The following YAE1 variants were observed in gnomAD, a reference collection of about 807,000 sequenced individuals.
YAE1 encodes the protein protein YAE1 homolog.
YAE1 carries 22 observed loss-of-function variants against 23.0 expected under a neutral mutation model. The observed-to-expected ratio is 0.96, with a 90% CI of 0.68 to 1.37. The LOEUF (loss-of-function observed/expected upper bound fraction) is 1.37, where lower values mean the gene tolerates loss of function less well. YAE1 is among the 40% of genes most tolerant of loss of function. YAE1 has a pLI of 0.00. For synonymous variants in YAE1, 101 were observed against 97.0 expected, an observed-to-expected ratio of 1.04 and a Z score of -0.24; for missense variants, 260 against 262.1, an observed-to-expected ratio of 0.99 and a Z score of 0.06.
chr7:39,607,738 G>A (rs1460838366), intron 2 of YAE1, among the ~76,000 whole-genome samples: 2 of 152,174 alleles, frequency 1.3e-5, no homozygotes, highest in Non-Finnish European at 1.5e-5. Flanking sequence ...GCACAATCTT[G>A]GCTCACTGCC....
chr7:39,597,302 G>A (rs1442666471), intron 2 of YAE1, among the ~76,000 whole-genome samples: 1 of 152,186 alleles, frequency 6.6e-6, no homozygotes, highest in Non-Finnish European at 1.5e-5. Flanking sequence ...AGGCACAGTG[G>A]CTCACACCTG....
At chr7:39,593,235 A>C (rs1405459346) in intron 2 of YAE1, among the ~76,000 whole-genome samples, 2 of 113,686 alleles carry the variant, frequency 1.8e-5, no homozygotes, top group African/African-American at 7.0e-5. Context: ...CCCAGGCTGC[A>C]GTGCAGTGGC....
intron 2 of YAE1, among the ~76,000 whole-genome samples, chr7:39,571,181 A>G (rs1237190424): frequency 6.6e-6 from 1 of 152,202 alleles, no homozygotes; most frequent in African/African-American, 2.4e-5. Context: ...CATGTGGCCC[A>G]GGACGGCTTT....
chr7:39,588,821 G>GTTTTTTTTTTTTTTTTTTTTTT, intron 2 of YAE1, among the ~76,000 whole-genome samples: 1 of 149,610 alleles, frequency 6.7e-6, no homozygotes, highest in Non-Finnish European at 1.5e-5. Context: ...ATAATTTTAG[G>GTTTTTTTTTTTTTTTTTTTTTT]TTTTTTTTTT....
intron 2 of YAE1, among the ~76,000 whole-genome samples, chr7:39,598,805 A>G (rs1161335147): frequency 6.6e-6 from 1 of 151,784 alleles, no homozygotes; most frequent in Non-Finnish European, 1.5e-5. Context: ...AAAAAGAAGA[A>G]GAAGAAGAAG....
chr7:39,610,158 T>C (rs182360298), exon 3 of YAE1: 29 of 794,030 alleles, frequency 3.7e-5, no homozygotes, highest in Non-Finnish European at 5.1e-5. Context: ...AGAGAAGATT[T>C]GGGAGGAGTA....
chr7:39,606,078 C>T (rs185289705), intron 2 of YAE1, among the ~76,000 whole-genome samples: 2 of 151,542 alleles, frequency 1.3e-5, no homozygotes, highest in African/African-American at 2.4e-5. Flanking sequence ...CTCCAGAAAA[C>T]CACTTCAAAA....
chr7:39,605,226 C>T (rs1791111838), intron 2 of YAE1, among the ~76,000 whole-genome samples: 1 of 152,116 alleles, frequency 6.6e-6, no homozygotes, highest in Non-Finnish European at 1.5e-5. Flanking sequence ...CTGCAACCTA[C>T]TATGAGGTAG....
At chr7:39,578,681 C>G (rs537711411) in intron 2 of YAE1, among the ~76,000 whole-genome samples, 8 of 152,278 alleles carry the variant, frequency 5.3e-5, no homozygotes, top group South Asian at 4.1e-4. Context: ...GAAAGAAACT[C>G]CGAACACGTC....
chr7:39,591,573 C>T (rs1583679201), intron 2 of YAE1, among the ~76,000 whole-genome samples: 2 of 152,194 alleles, frequency 1.3e-5, no homozygotes, highest in East Asian at 3.9e-4. Context: ...AAGATTCAGA[C>T]AGTTCCCAGA....
At chr7:39,566,717 G>T in intron 1 of YAE1, 170 bp downstream of exon 1, 2 of 959,490 alleles carry the variant, frequency 2.1e-6, no homozygotes, top group Non-Finnish European at 2.9e-6. Flanking sequence ...ACTTGAAAGC[G>T]TGTAAAACAA....
At chr7:39,587,801 A>ACTTC (rs1790841729) in intron 2 of YAE1, among the ~76,000 whole-genome samples, 1 of 151,534 alleles carries the variant, frequency 6.6e-6, no homozygotes, top group Non-Finnish European at 1.5e-5. Context: ...ATTGTCTATA[A>ACTTC]ACTTCAAGGC....
chr7:39,606,836 A>G (rs1200061461), intron 2 of YAE1, among the ~76,000 whole-genome samples: 1 of 152,252 alleles, frequency 6.6e-6, no homozygotes, highest in African/African-American at 2.4e-5. Flanking sequence ...ATCATTTTGT[A>G]AACTGTATTG....
At position 39,587,003 on chromosome 7, in the gene YAE1, C is replaced by CTTCCT. The variant is rs140287716; in HGVS notation, c.251+16378_251+16379insCCTTT. Among the ~76,000 whole-genome samples the CTTCCT allele has an allele frequency of 6.0e-5, 9 of 149,244 alleles. No homozygotes were observed. The East Asian group carries it at 1.6e-3, about 27-fold the overall frequency. On this transcript the variant is annotated intron_variant, in intron 2 of 2. Coordinates refer to the YAE1 transcript ENST00000432096. ...CACCAGCCTAAAGCCTGGAAAGAGT[C>CTTCCT]TTTCTTTTCTTTTCTTTTCTTTCTC...
intron 2 of YAE1, among the ~76,000 whole-genome samples, chr7:39,597,203 C>T (rs912997855): frequency 1.3e-5 from 2 of 152,194 alleles, no homozygotes; most frequent in African/African-American, 4.8e-5. Flanking sequence ...AACGCTTTCT[C>T]TCATTATTCA....
exon 3 of YAE1, chr7:39,609,997 T>C (rs1478473711): frequency 6.6e-7 from 1 of 1,513,506 alleles, no homozygotes; most frequent in Admixed American, 2.1e-5. Flanking sequence ...AAGTTGTTCT[T>C]AATCAGAGGG....
chr7:39,587,112 A>C (rs1442942266), intron 2 of YAE1, among the ~76,000 whole-genome samples: 3 of 150,464 alleles, frequency 2.0e-5, no homozygotes, highest in African/African-American at 7.3e-5. Flanking sequence ...ACTGGAGTGC[A>C]GTGGTGTGAT....
intron 2 of YAE1, among the ~76,000 whole-genome samples, chr7:39,609,178 C>A (rs1192679747): frequency 1.3e-5 from 2 of 152,254 alleles, no homozygotes; most frequent in East Asian, 3.9e-4. Context: ...GAAGAATAAC[C>A]AGGCCAGTGA....
downstream of YAE1, among the ~76,000 whole-genome samples, chr7:39,575,810 A>G (rs527402806): frequency 8.6e-4 from 131 of 152,308 alleles, 1 homozygote; most frequent in African/African-American, 3.1e-3. Flanking sequence ...TGCTAAAGTC[A>G]CTGATAGCCA....
Sources: gnomAD v4.1 joint callset for allele counts (sites outside exome capture counted in the v4.1 genomes callset) on GRCh38, gnomAD v4.1.1 for gene constraint, MANE v1.5 for transcripts, NCBI Gene and HGNC (gene_info 2026-07-23, HGNC 2026-07-21) for gene names.